Variants in PHRF1 observed in about 807,000 individuals in gnomAD.
The protein encoded by PHRF1 is PHD and ring finger domains 1, also known as PHD and RING finger domain-containing protein 1.
Under a neutral mutation model 128.9 loss-of-function variants are expected in PHRF1, and 53 were observed. That is an observed-to-expected ratio of 0.41 (90% CI 0.33 to 0.52). PHRF1 has a LOEUF of 0.52. PHRF1 is among the 20% of genes least tolerant of loss of function. PHRF1 has a pLI of 0.21. For synonymous variants in PHRF1, 1,178 were observed against 980.6 expected, an observed-to-expected ratio of 1.20 and a Z score of -3.76; for missense variants, 2,503 against 2,284.5, an observed-to-expected ratio of 1.10 and a Z score of -1.95.
At chr11:603,089 CTG>C (rs1336060244) in intron 10 of PHRF1, among the ~76,000 whole-genome samples, 2 of 151,950 alleles carry the variant, frequency 1.3e-5, no homozygotes, top group Non-Finnish European at 2.9e-5. Context: ...TGGTATCACT[CTG>C]TGGCCCAGGC....
chr11:592,066 C>A (rs1395194678), intron 5 of PHRF1, among the ~76,000 whole-genome samples: 1 of 152,188 alleles, frequency 6.6e-6, no homozygotes, highest in Admixed American at 6.5e-5. Context: ...CAGGCACCCG[C>A]CACCACGCCC....
intron 3 of PHRF1, among the ~76,000 whole-genome samples, chr11:582,311 C>G (rs1000522084): frequency 6.8e-6 from 1 of 146,806 alleles, no homozygotes; most frequent in Non-Finnish European, 1.5e-5. Context: ...GTTGCCCAGG[C>G]TGGAGTACAG....
intron 12 of PHRF1, among the ~76,000 whole-genome samples, chr11:606,145 C>T (rs1428439217): frequency 6.6e-6 from 1 of 152,256 alleles, no homozygotes; most frequent in Non-Finnish European, 1.5e-5. Context: ...TGCTTGTCTG[C>T]CCCCTCCCAC....
rs1157167931 is a variant in PHRF1, at chr11:611,725, A to G, written c.4898A>G (p.His1633Arg). The change falls in exon 18 of 18, where the codon CAC (histidine) becomes CGC (arginine). Residue 1633 changes from histidine (H) to arginine (R), a missense_variant. Physicochemically the swap from His to Arg is conservative, Grantham distance 29 (BLOSUM62 0). Transcript: ENST00000264555. ...GACAAGTACAGGCACATGCGCAGGC[A>G]CAAGAAACCAGAGGCCGGGGAGGAG... Reference protein sequence around the residue: ...YVDKYRHMRRHKKPEAGEEPP... With the variant: ...YVDKYRHMRRRKKPEAGEEPP... 1 of 1,612,886 alleles carries G rather than the reference A, an allele frequency of 6.2e-7. No homozygotes were observed. The highest frequency in any genetic ancestry group is 1.3e-5 in the African/African-American group (1 of 75,068).
At chr11:585,577 GC>G in intron 3 of PHRF1, among the ~76,000 whole-genome samples, 2 of 119,442 alleles carry the variant, frequency 1.7e-5, no homozygotes, top group Non-Finnish European at 3.4e-5. Context: ...TGAGGTAGTA[GC>G]CCTTTCCAGC....
In PHRF1 at chr11:609,444, G is replaced by T; in HGVS notation, c.3988G>T (p.Asp1330Tyr). Residue 1330 changes from aspartate to tyrosine, a missense_variant, in exon 14 of 18, where the codon GAC becomes TAC. Coordinates refer to ENST00000264555, the MANE Select transcript of PHRF1 (RefSeq NM_001286581.2). ...QREVSLMHDE[D>Y]PSQPPPLPEG... ...GGAGGTGTCATTGATGCACGATGAA[G>T]ACCCTTCGCAGCCCCCACCCCTGCC... The T allele has an allele frequency of 6.2e-7, 1 of 1,607,064 alleles. No homozygotes were observed. Among genetic ancestry groups the T allele is most frequent in the Non-Finnish European group, 8.5e-7 (1 of 1,179,700 alleles).
At position 609,718 on chromosome 11, in the gene PHRF1, C is replaced by T. The variant is rs745799024; in HGVS notation, c.4262C>T (p.Pro1421Leu). 1.4e-6 allele frequency: 2 copies of T among 1,481,424 alleles called. No homozygotes were observed. Among genetic ancestry groups the T allele is most frequent in the Admixed American group, 2.3e-5 (1 of 43,292 alleles). 91.8% of individuals were successfully genotyped at this position (1,481,424 alleles called of 1,614,324 possible). ...AGCGCCCCCGCCGAGGACAGAGCCC[C>T]CCGTGAGTAGTGCCCCGGCCCCCAC... Reference protein sequence around the residue: ...ESSAPAEDRAPRAPLHRPQKP... With the variant: ...ESSAPAEDRALRAPLHRPQKP... The change falls in exon 14 of 18, where the codon CCC becomes CTC. Residue 1421 changes from proline (P) to leucine (L), a missense_variant and splice_region_variant. Pro to Leu is a moderately conservative substitution (Grantham distance 98). Coordinates refer to ENST00000264555, the MANE Select transcript of PHRF1 (RefSeq NM_001286581.2).
Position 607,983 on chromosome 11 carries a change from C to T in PHRF1, c.2527C>T (p.Pro843Ser). 1 of 1,611,570 alleles carries T rather than the reference C, an allele frequency of 6.2e-7. No homozygotes were observed. Among genetic ancestry groups the T allele is most frequent in the Non-Finnish European group, 8.5e-7 (1 of 1,179,840 alleles). Reference protein sequence around the residue: ...SDPTGSDSSAPGSSPERSGPG... With the variant: ...SDPTGSDSSASGSSPERSGPG... Reference sequence around the variant, plus strand: ...CCCCACCGGCTCCGACTCCAGCGCCCCTGGCAGCAGCCCCGAGAGGTCTGG... The same window carrying T: ...CCCCACCGGCTCCGACTCCAGCGCCTCTGGCAGCAGCCCCGAGAGGTCTGG... The change falls in exon 14 of 18, where the codon CCT (proline) becomes TCT (serine). Residue 843 changes from proline (P) to serine (S), a missense_variant. Physicochemically the swap from Pro to Ser is moderately conservative, Grantham distance 74 (BLOSUM62 -1). Transcript: ENST00000264555.
Position 605,195 on chromosome 11 carries a change from C to A in PHRF1, c.1229C>A (p.Ser410Ter). ...CCTGTTCACAGCAGCTGCATCCCGT[C>A]AGTGTTGAAGCCAGTGGAGCCCTCT... ...RRPVHSSCIP[S>*]VLKPVEPSLG... Residue 410 changes from serine to a stop codon, truncating the protein, a stop_gained, in exon 11 of 18, where the codon TCA (serine) becomes TAA (stop). Coordinates refer to ENST00000264555, the MANE Select transcript of PHRF1 (RefSeq NM_001286581.2). LOFTEE classifies it high-confidence loss of function. The A allele has an allele frequency of 6.2e-7, 1 of 1,613,566 alleles. No individual in the cohort carries two copies. Among genetic ancestry groups the A allele is most frequent in the South Asian group, 1.1e-5 (1 of 91,088 alleles).
chr11:601,695 G>A lies in PHRF1; in HGVS notation c.1146G>A (p.Lys382=), dbSNP rs1377809140. ...GAGTGAAGAAGAGAAGAGGGAAGAA[G>A]GTAAAGGTGAGCATTGGGTGGCAGG... The part of the protein sequence containing the change: ...QHRVKKRRGK[K]VKSEATTRSR... The change falls in exon 10 of 18, where the codon AAG becomes AAA. Residue 382 remains lysine, a synonymous_variant. Coordinates refer to ENST00000264555, the MANE Select transcript of PHRF1 (RefSeq NM_001286581.2). 1 of 1,613,572 alleles carries A rather than the reference G, an allele frequency of 6.2e-7. No individual in the cohort carries two copies. Among genetic ancestry groups the A allele is most frequent in the Non-Finnish European group, 8.5e-7 (1 of 1,179,814 alleles).
intron 4 of PHRF1, 126 bp from the exon 5 acceptor site, chr11:591,258 G>A (rs951617950): frequency 6.1e-6 from 5 of 823,450 alleles, no homozygotes; most frequent in Non-Finnish European, 7.8e-6. Context: ...CGTGTTGCCA[G>A]CAGCTTAGTG....
chr11:611,404 C>T (rs1856387658), intron 17 of PHRF1, among the ~76,000 whole-genome samples: 1 of 152,166 alleles, frequency 6.6e-6, no homozygotes, highest in African/African-American at 2.4e-5. Context: ...TCAGCCCATG[C>T]TCCCCCCGCC....
At chr11:583,491 T>A (rs1854343963) in intron 3 of PHRF1, among the ~76,000 whole-genome samples, 1 of 152,206 alleles carries the variant, frequency 6.6e-6, no homozygotes, top group Non-Finnish European at 1.5e-5. Flanking sequence ...CACTCCAGCC[T>A]GGGCCACAGA....
intron 6 of PHRF1, among the ~76,000 whole-genome samples, chr11:595,552 C>T (rs558300189): frequency 2.6e-5 from 4 of 152,272 alleles, no homozygotes; most frequent in Non-Finnish European, 4.4e-5. Context: ...GTGCCTGCAC[C>T]GTAGCTGGGC....
In PHRF1 at chr11:606,504, T is replaced by C; in HGVS notation, c.1517T>C (p.Leu506Pro). ...GAGGAGGAGCCAGTGCCTGACCTGCTGGGCAGCATCCTGTCGGGCCAGAGC... is the reference window on the plus strand; with the variant it reads ...GAGGAGGAGCCAGTGCCTGACCTGCCGGGCAGCATCCTGTCGGGCCAGAGC... ...DLEEEPVPDL[L>P]GSILSGQSLL... Residue 506 changes from leucine to proline, a missense_variant, in exon 13 of 18, where the codon CTG becomes CCG. Physicochemically the swap from Leu to Pro is moderately conservative, Grantham distance 98. Transcript: ENST00000264555. The C allele has an allele frequency of 6.2e-7, 1 of 1,607,144 alleles. No individual in the cohort carries two copies. The highest frequency in any genetic ancestry group is 8.5e-7 in the Non-Finnish European group (1 of 1,178,830).
chr11:607,429 G>A lies in PHRF1; in HGVS notation c.1973G>A (p.Cys658Tyr). The change falls in exon 14 of 18, where the codon TGT becomes TAT. Residue 658 changes from cysteine to tyrosine, a missense_variant. Physicochemically the swap from Cys to Tyr is radical, Grantham distance 194. Coordinates refer to ENST00000264555, the MANE Select transcript of PHRF1 (RefSeq NM_001286581.2). ...KISSRDSKPP[C>Y]RSVVPGPPLK... ...TCAAGCAGAGATTCTAAGCCCCCATGTCGCAGTGTGGTGCCGGGGCCTCCC... is the reference window on the plus strand; with the variant it reads ...TCAAGCAGAGATTCTAAGCCCCCATATCGCAGTGTGGTGCCGGGGCCTCCC... 1.2e-6 allele frequency: 2 copies of A among 1,612,820 alleles called. No individual in the cohort carries two copies. The highest frequency in any genetic ancestry group is 1.7e-5 in the Admixed American group (1 of 60,030).
intron 3 of PHRF1, among the ~76,000 whole-genome samples, chr11:586,848 T>C (rs1476481686): frequency 6.6e-6 from 1 of 151,448 alleles, no homozygotes; most frequent in Admixed American, 6.6e-5. Flanking sequence ...GAAGGGGGCG[T>C]TGGAAATGGG....
In PHRF1 at chr11:607,811, G is replaced by C. The variant is rs769831547; in HGVS notation, c.2355G>C (p.Met785Ile). The stretch of plus-strand genomic sequence containing the variant: ...TCCGGATCAATATTCCTGGAAACAT[G>C]GCACATTCCAGCCAGCTCTCCAGCC... ...ESFRINIPGN[M>I]AHSSQLSSPG... is the part of the protein sequence containing the mutation. The change falls in exon 14 of 18, where the codon ATG (methionine) becomes ATC (isoleucine). Residue 785 changes from methionine (M) to isoleucine (I), a missense_variant. By Grantham distance (10) the Met-to-Ile change is conservative. Transcript: ENST00000264555. 5.6e-6 allele frequency: 9 copies of C among 1,612,674 alleles called. No individual in the cohort carries two copies. In the African/African-American group the frequency reaches 8.0e-5, roughly 14 times the overall value.
intron 8 of PHRF1, 148 bp from the exon 9 acceptor site, chr11:598,225 C>T (rs1389797541): frequency 2.3e-5 from 27 of 1,189,730 alleles, no homozygotes; most frequent in African/African-American, 1.1e-4. Context: ...AGAGGAAGGC[C>T]GGGCCGTGGC....
Sources: gnomAD v4.1 joint callset for allele counts (sites outside exome capture counted in the v4.1 genomes callset) on GRCh38, gnomAD v4.1.1 for gene constraint, MANE v1.5 for transcripts, NCBI Gene and HGNC (gene_info 2026-07-23, HGNC 2026-07-21) for gene names.